FBXO11: variants seen among roughly 807,000 people sequenced by gnomAD.
The protein encoded by FBXO11 is F-box only protein 11.
FBXO11 carries 13 observed loss-of-function variants against 117.0 expected under a neutral mutation model. The observed-to-expected ratio is 0.11, with a 90% confidence interval of 0.07 to 0.18. The LOEUF is 0.18. Ranked by LOEUF, FBXO11 falls within the 10% of genes least tolerant of loss-of-function variation. The pLI is 1.00. For synonymous variants in FBXO11, 490 were observed against 380.5 expected (o/e 1.29, Z -3.35); for missense variants, 767 against 1,164.4 (o/e 0.66, Z 4.97).
chr2:47,851,097 A>AT (rs1673821999), intron 1 of FBXO11, among the ~76,000 whole-genome samples: 1 of 152,252 alleles, frequency 6.6e-6, no homozygotes, highest in Non-Finnish European at 1.5e-5. Context: ...GGAGAAACTG[A>AT]TATGGCCAGA....
intron 1 of FBXO11, among the ~76,000 whole-genome samples, chr2:47,858,764 G>T (rs1295020016): frequency 6.6e-4 from 100 of 151,600 alleles, no homozygotes; most frequent in Non-Finnish European, 9.4e-4. Context: ...TAGAAAAAGG[G>T]TCGGGCGCAG....
At chr2:47,888,659 A>C in intron 1 of FBXO11, 1 of 983,092 alleles carries the variant, frequency 1.0e-6, no homozygotes, top group Non-Finnish European at 1.2e-6. Flanking sequence ...ATAACACTTA[A>C]AATTTCCTGT....
intron 7 of FBXO11, among the ~76,000 whole-genome samples, chr2:47,833,826 G>C (rs1327208941): frequency 6.6e-6 from 1 of 151,974 alleles, no homozygotes; most frequent in Non-Finnish European, 1.5e-5. Context: ...CACCACACCT[G>C]GCTAATTTTT....
rs534194190 is a variant in FBXO11, at chr2:47,807,682, A to C, written c.*436T>G. 272 of 230,082 alleles carry C rather than the reference A, an allele frequency of 1.2e-3. 1 individual carries two copies. The highest frequency in any genetic ancestry group is 5.7e-3 in the African/African-American group (255 of 44,998). 14.3% of individuals were successfully genotyped at this position (230,082 alleles called of 1,614,324 possible). A position where few individuals can be genotyped will look rare whatever the true frequency, so the allele number is the denominator to read the frequency against. The stretch of plus-strand genomic sequence containing the variant: ...GAATACATGTTAAAAAAAAAAAATC[A>C]AAAGGAACGCAGAAGTGCTAGCTCA... On this transcript the variant is annotated 3_prime_UTR_variant, in exon 23 of 23. Coordinates refer to ENST00000403359, the MANE Select transcript of FBXO11 (RefSeq NM_001190274.2).
Position 47,834,978 on chromosome 2 carries a change from C to A in FBXO11, c.718-107G>T, listed in dbSNP as rs1672438831. On this transcript the variant is annotated intron_variant, in intron 5 of 22. Transcript: ENST00000403359. The stretch of plus-strand genomic sequence containing the variant: ...CTTTTATTACAAATCAAAAATAATT[C>A]TCAACTATTCCAAATAATTTTCTGT... 6.6e-6 allele frequency: 5 copies of A among 758,570 alleles called. No individual in the cohort carries two copies. In the South Asian group the frequency reaches 7.7e-5, roughly 12 times the overall value. 47.0% of individuals were successfully genotyped at this position (758,570 alleles called of 1,614,324 possible).
intron 1 of FBXO11, among the ~76,000 whole-genome samples, chr2:47,875,504 T>C (rs1675935239): frequency 6.6e-6 from 1 of 151,772 alleles, no homozygotes; most frequent in Non-Finnish European, 1.5e-5. Flanking sequence ...TTGTCTTTTT[T>C]TTTTTTAGCA....
chr2:47,875,025 T>C lies in FBXO11; in HGVS notation c.232+30464A>G, dbSNP rs72811511. 0.014 allele frequency among the ~76,000 whole-genome samples: 2,200 copies of C among 152,300 alleles called. 184 individuals carry two copies. In the East Asian group the frequency reaches 0.26, roughly 18 times the overall value. Reference sequence around the variant, plus strand: ...AGTCTGAGAAAATTCATACAGGATATGATCATCTCAAGAATCAAAGTCTGA... The same window carrying C: ...AGTCTGAGAAAATTCATACAGGATACGATCATCTCAAGAATCAAAGTCTGA... On this transcript the variant is annotated intron_variant, in intron 1 of 22. Coordinates refer to ENST00000403359, the MANE Select transcript of FBXO11 (RefSeq NM_001190274.2).
At chr2:47,849,940 G>T (rs76414662) in intron 1 of FBXO11, among the ~76,000 whole-genome samples, 2 of 152,074 alleles carry the variant, frequency 1.3e-5, no homozygotes, top group East Asian at 3.8e-4. Context: ...TCACTGAAGG[G>T]TATTAAAAAG....
intron 1 of FBXO11, among the ~76,000 whole-genome samples, chr2:47,894,954 G>A (rs1331042850): frequency 6.6e-6 from 1 of 151,972 alleles, no homozygotes; most frequent in East Asian, 1.9e-4. Context: ...GATACCAAGA[G>A]ACTCAAGAAA....
chr2:47,848,444 T>C (rs530864760), intron 1 of FBXO11, among the ~76,000 whole-genome samples: 1 of 152,300 alleles, frequency 6.6e-6, no homozygotes, highest in South Asian at 2.1e-4. Context: ...AACAGTTTCA[T>C]CCTGAAACCA....
At chr2:47,822,876 G>A (rs575628895) in intron 12 of FBXO11, among the ~76,000 whole-genome samples, 5 of 152,208 alleles carry the variant, frequency 3.3e-5, no homozygotes, top group African/African-American at 1.2e-4. Context: ...GCAGTTTGAT[G>A]AATTTAAAAT....
At chr2:47,824,314 C>T (rs1017469720) in intron 11 of FBXO11, among the ~76,000 whole-genome samples, 3 of 151,972 alleles carry the variant, frequency 2.0e-5, no homozygotes, top group Non-Finnish European at 2.9e-5. Context: ...AGTGAGACGT[C>T]GTCTCTACAG....
At chr2:47,870,373 C>G (rs1370310685) in intron 1 of FBXO11, among the ~76,000 whole-genome samples, 1 of 152,030 alleles carries the variant, frequency 6.6e-6, no homozygotes, top group East Asian at 1.9e-4. Context: ...TGTCCTAATC[C>G]CTGATACCTG....
intron 20 of FBXO11, 80 bp downstream of exon 20, chr2:47,809,520 G>A: frequency 2.0e-6 from 2 of 1,009,092 alleles, no homozygotes; most frequent in East Asian, 2.4e-5. Flanking sequence ...GTGACATAAG[G>A]AATCAAGTTA....
At chr2:47,870,890 A>G (rs1173145928) in intron 1 of FBXO11, among the ~76,000 whole-genome samples, 4 of 152,228 alleles carry the variant, frequency 2.6e-5, no homozygotes, top group Non-Finnish European at 4.4e-5. Context: ...TGAAACTCTT[A>G]CAAATACTCT....
At chr2:47,838,318 T>C (rs564104992) in intron 4 of FBXO11, among the ~76,000 whole-genome samples, 2 of 152,322 alleles carry the variant, frequency 1.3e-5, no homozygotes, top group Non-Finnish European at 2.9e-5. Flanking sequence ...ACAGTTTATG[T>C]AGTTCATTCC....
At chr2:47,862,319 C>G (rs188230995) in intron 1 of FBXO11, among the ~76,000 whole-genome samples, 4 of 152,202 alleles carry the variant, frequency 2.6e-5, no homozygotes, top group Middle Eastern at 6.8e-3. Flanking sequence ...GATACATAAC[C>G]AGGGTTGAAA....
chr2:47,807,416 G>T lies in FBXO11; in HGVS notation c.*702C>A, dbSNP rs943584277. ...TAGGGGTGATTTTGAATGCTGCACA[G>T]GGAAGGGAAGGAAATAATAGTCTTA... On this transcript the variant is annotated 3_prime_UTR_variant, in exon 23 of 23. Coordinates refer to ENST00000403359, the MANE Select transcript of FBXO11 (RefSeq NM_001190274.2). The T allele has an allele frequency of 9.7e-6, 2 of 206,202 alleles. No individual in the cohort carries two copies. Among genetic ancestry groups the T allele is most frequent in the Non-Finnish European group, 2.0e-5 (2 of 100,886 alleles). The allele number at this position is 206,202 out of a possible 1,614,324, so 12.8% of individuals were successfully genotyped here.
intron 1 of FBXO11, among the ~76,000 whole-genome samples, chr2:47,864,178 T>C (rs1265715834): frequency 6.6e-6 from 1 of 152,230 alleles, no homozygotes; most frequent in Non-Finnish European, 1.5e-5. Context: ...GAATCCCTCC[T>C]AATTAAATGT....
Sources: gnomAD v4.1 joint callset for allele counts (sites outside exome capture counted in the v4.1 genomes callset) on GRCh38, gnomAD v4.1.1 for gene constraint, MANE v1.5 for transcripts, NCBI Gene and HGNC (gene_info 2026-07-23, HGNC 2026-07-21) for gene names.